Variants in GC observed in about 807,000 individuals in gnomAD.
The protein encoded by GC is GC vitamin D binding protein.
In GC, 43 loss-of-function variants were observed where a neutral mutation model predicts 56.7. The ratio of observed to expected loss-of-function variants is 0.76; its 90% CI spans 0.59 to 0.98. The LOEUF is 0.98. Among genes scored for constraint, GC ranks in the 50% least tolerant of loss-of-function variants. The pLI is 0.00. For synonymous variants in GC, 216 were observed against 202.7 expected, an observed-to-expected ratio of 1.07 and a Z score of -0.56; for missense variants, 529 against 545.9, an observed-to-expected ratio of 0.97 and a Z score of 0.31.
chr4:71,766,963 A>G (rs1479054237), intron 3 of GC, among the ~76,000 whole-genome samples: 1 of 152,224 alleles, frequency 6.6e-6, no homozygotes, highest in Non-Finnish European at 1.5e-5. Flanking sequence ...GTAGAGACAG[A>G]TCATATCTCT....
chr4:71,771,467 T>C (rs1742340684), intron 1 of GC, among the ~76,000 whole-genome samples: 1 of 151,958 alleles, frequency 6.6e-6, no homozygotes, highest in African/African-American at 2.4e-5. Flanking sequence ...ATTTTTGAGG[T>C]GAGAAAAGTC....
At chr4:71,765,722 T>C in intron 3 of GC, 79 bp from the exon 4 acceptor site, 1 of 844,034 alleles carries the variant, frequency 1.2e-6, no homozygotes, top group Non-Finnish European at 1.9e-6. Context: ...TATAATATCT[T>C]AGCCTATAAT....
intron 1 of GC, among the ~76,000 whole-genome samples, chr4:71,797,997 G>A (rs1743149271): frequency 6.6e-6 from 1 of 152,148 alleles, no homozygotes; most frequent in Non-Finnish European, 1.5e-5. Flanking sequence ...TAGACCACTT[G>A]ATATTATCCC....
At chr4:71,794,171 A>T in intron 1 of GC, among the ~76,000 whole-genome samples, 1 of 152,196 alleles carries the variant, frequency 6.6e-6, no homozygotes, top group Non-Finnish European at 1.5e-5. Context: ...CTGGCCTCAT[A>T]AAATGAGTTA....
intron 1 of GC, among the ~76,000 whole-genome samples, chr4:71,800,798 T>C (rs74667774): frequency 0.026 from 3,952 of 152,280 alleles, 174 homozygotes; most frequent in African/African-American, 0.091. Flanking sequence ...TGGTATCTCA[T>C]TGTGATTTTG....
In GC at chr4:71,769,680, G is replaced by A. The variant is rs1036478081; in HGVS notation, c.59-280C>T. The A allele has an allele frequency of 2.0e-5, 6 of 295,980 alleles. No individual in the cohort carries two copies. In the Admixed American group the frequency reaches 2.6e-4, roughly 13 times the overall value. The allele number at this position is 295,980 out of a possible 1,614,324, so 18.3% of individuals were successfully genotyped here. A position where few individuals can be genotyped will look rare whatever the true frequency, so the allele number is the denominator to read the frequency against. ...TCAAATGATACATGTCAACTAGTGA[G>A]TCAGAAGCTATTGATATGGCAACTA... On this transcript the variant is annotated intron_variant, in intron 1 of 12. Coordinates refer to ENST00000273951, the MANE Select transcript of GC (RefSeq NM_000583.4).
intron 1 of GC, among the ~76,000 whole-genome samples, chr4:71,799,194 A>T (rs1269610991): frequency 6.6e-6 from 1 of 152,188 alleles, no homozygotes; most frequent in African/African-American, 2.4e-5. Context: ...TGAAGCATTT[A>T]CTCAAGAAAA....
intron 1 of GC, among the ~76,000 whole-genome samples, chr4:71,773,480 G>T (rs982893582): frequency 6.6e-6 from 1 of 151,826 alleles, no homozygotes; most frequent in African/African-American, 2.4e-5. Flanking sequence ...CCAGGCATTG[G>T]GTTCAATATT....
rs779811790 is a variant in GC at position 71,784,066 on chromosome 4, C to A, written c.-48G>T. On this transcript the variant is annotated 5_prime_UTR_variant, in exon 1 of 13. The change abolishes an upstream ATG in the 5' untranslated region. Coordinates refer to ENST00000273951, the MANE Select transcript of GC (RefSeq NM_000583.4). ...GCACCTCCTCTCTCCTGTAGGTGACCATGTAAAAGTGGTAGCCAAAAGTAA... is the reference window on the plus strand; with the variant it reads ...GCACCTCCTCTCTCCTGTAGGTGACAATGTAAAAGTGGTAGCCAAAAGTAA... 3.2e-6 allele frequency: 5 copies of A among 1,565,270 alleles called. No individual in the cohort carries two copies. The Admixed American group carries it at 7.8e-5, about 24-fold the overall frequency.
At chr4:71,774,230 T>C (rs1742436038) in intron 1 of GC, among the ~76,000 whole-genome samples, 1 of 152,062 alleles carries the variant, frequency 6.6e-6, no homozygotes. Flanking sequence ...TTGAGCGTCC[T>C]TTCAGACTTT....
rs763627815 is a variant in GC at position 71,765,626 on chromosome 4, G to C, written c.279C>G (p.Ala93=). ...ATGGAGAATTACTTTCACAGGACTT[G>C]GCAGACAGTGCTGAGGTCTGGAGGA... is the stretch of plus-strand genomic sequence containing the variant. ...CYDTRTSALS[A]KSCESNSPFP... The change falls in exon 4 of 13, where the codon GCC becomes GCG. Residue 93 remains alanine, a synonymous_variant. Transcript: ENST00000273951. 1 of 1,611,598 alleles carries C rather than the reference G, an allele frequency of 6.2e-7. No homozygotes were observed. Among genetic ancestry groups the C allele is most frequent in the South Asian group, 1.1e-5 (1 of 91,032 alleles).
chr4:71,743,007 T>G (rs1449667655), intron 12 of GC, among the ~76,000 whole-genome samples: 1 of 151,952 alleles, frequency 6.6e-6, no homozygotes, highest in East Asian at 1.9e-4. Flanking sequence ...GAGACAGAGA[T>G]TCTGTCTCCA....
rs200584044 is a variant in GC at position 71,757,200 on chromosome 4, A to T, written c.832-286T>A. 4.0e-4 allele frequency among the ~76,000 whole-genome samples: 61 copies of T among 152,312 alleles called. No homozygotes were observed. In the East Asian group the frequency reaches 7.9e-3, roughly 20 times the overall value. On this transcript the variant is annotated intron_variant, in intron 7 of 12. Transcript: ENST00000273951. The stretch of plus-strand genomic sequence containing the variant: ...GTGCAACGATTGCCTAAAATATTTT[A>T]AAAAAACCAACACAACCTAAATACA...
chr4:71,779,530 G>T (rs1742609733), intron 1 of GC, among the ~76,000 whole-genome samples: 1 of 151,828 alleles, frequency 6.6e-6, no homozygotes, highest in Non-Finnish European at 1.5e-5. Flanking sequence ...GTGGAGGCCA[G>T]TGTGGTCAGA....
At chr4:71,797,551 CT>C (rs1268992848) in intron 1 of GC, among the ~76,000 whole-genome samples, 2 of 152,150 alleles carry the variant, frequency 1.3e-5, no homozygotes, top group Non-Finnish European at 2.9e-5. Flanking sequence ...GGGAAAAGTC[CT>C]TTTTTTTCCA....
At chr4:71,799,748 C>T (rs1390972725) in intron 1 of GC, among the ~76,000 whole-genome samples, 2 of 152,160 alleles carry the variant, frequency 1.3e-5, no homozygotes, top group Non-Finnish European at 2.9e-5. Context: ...CCCAAAGAAA[C>T]TGATTTCATT....
intron 5 of GC, 138 bp from the exon 6 acceptor site, chr4:71,763,640 A>G: frequency 6.6e-6 from 5 of 758,402 alleles, no homozygotes; most frequent in Non-Finnish European, 1.1e-5. Context: ...ACTTATTGAT[A>G]TTACTTTTCC....
At chr4:71,742,324 G>A (rs1351228575) in intron 12 of GC, among the ~76,000 whole-genome samples, 3 of 152,030 alleles carry the variant, frequency 2.0e-5, no homozygotes, top group Admixed American at 2.0e-4. Context: ...TTTGTATTAG[G>A]GCCAATTCGT....
At chr4:71,749,623 GA>G (rs1741483143) in intron 11 of GC, among the ~76,000 whole-genome samples, 2 of 152,202 alleles carry the variant, frequency 1.3e-5, no homozygotes, top group African/African-American at 4.8e-5. Context: ...ACCTAAATTG[GA>G]ACTAAATTTA....
Sources: allele counts gnomAD v4.1 joint callset (sites outside exome capture counted in the v4.1 genomes callset), GRCh38; gene constraint gnomAD v4.1.1; transcripts MANE v1.5; gene names NCBI Gene and HGNC (gene_info 2026-07-23, HGNC 2026-07-21).